CSMD2: variants seen among roughly 807,000 people sequenced by gnomAD.
CSMD2 encodes CUB and Sushi multiple domains 2, also known as CUB and sushi domain-containing protein 2.
CSMD2 carries 130 observed loss-of-function variants against 398.5 expected under a neutral mutation model. The observed-to-expected ratio is 0.33, with a 90% CI of 0.28 to 0.38. The LOEUF is 0.38. Ranked by LOEUF, CSMD2 falls within the 10% of genes least tolerant of loss-of-function variation. CSMD2 has a pLI of 1.00. For synonymous variants in CSMD2, 1,828 were observed against 1,908.5 expected, an observed-to-expected ratio of 0.96 and a Z score of 1.10; for missense variants, 3,829 against 4,764.9, an observed-to-expected ratio of 0.80 and a Z score of 5.78.
chr1:33,668,894 T>C (rs1644399835), intron 25 of CSMD2, among the ~76,000 whole-genome samples: 1 of 152,140 alleles, frequency 6.6e-6, no homozygotes, highest in Admixed American at 6.5e-5. Flanking sequence ...TGGAGGAAAC[T>C]TACTGAAGGA....
chr1:34,061,979 C>T (rs1357324925), intron 2 of CSMD2, among the ~76,000 whole-genome samples: 1 of 152,168 alleles, frequency 6.6e-6, no homozygotes, highest in Non-Finnish European at 1.5e-5. Context: ...TCAAGCCTCT[C>T]CATATCTGTG....
At chr1:34,119,141 G>C (rs978463952) in intron 1 of CSMD2, among the ~76,000 whole-genome samples, 2 of 152,178 alleles carry the variant, frequency 1.3e-5, no homozygotes, top group African/African-American at 4.8e-5. Flanking sequence ...AATGGTCTTT[G>C]ACAAGGGTGT....
In CSMD2 at chr1:33,514,771, AG is replaced by A; in HGVS notation, c.*1852del. 6.6e-6 allele frequency: 1 copy of A among 152,280 alleles called. No individual in the cohort carries two copies. The highest frequency in any genetic ancestry group is 1.5e-5 in the Non-Finnish European group (1 of 68,104). The allele number at this position is 152,280 out of a possible 1,614,324, so 9.4% of individuals were successfully genotyped here. A position where few individuals can be genotyped will look rare whatever the true frequency, so the allele number is the denominator to read the frequency against. On this transcript the variant is annotated 3_prime_UTR_variant, in exon 71 of 71. Transcript: ENST00000373381. ...GGATTGGCCCTCTCCCTCCAGGCCC[AG>A]GGGGGTGCCGTGTCCCAGAGGTGGT...
chr1:33,734,738 T>C (rs540625254), intron 15 of CSMD2, among the ~76,000 whole-genome samples: 4 of 147,004 alleles, frequency 2.7e-5, no homozygotes, highest in African/African-American at 1.0e-4. Flanking sequence ...TGAGCTGAGA[T>C]CACACCACTG....
Position 33,716,272 on chromosome 1 carries a change from C to G in CSMD2, c.3217+14G>C. 3 of 1,604,824 alleles carry G rather than the reference C, an allele frequency of 1.9e-6. No individual in the cohort carries two copies. The highest frequency in any genetic ancestry group is 1.3e-5 in the African/African-American group (1 of 74,880). ...CCATGGTCTCTTCCCCTCAGGGACCCTCATACTCTTTACCTGAGAAGGTGA... is the reference window on the plus strand; with the variant it reads ...CCATGGTCTCTTCCCCTCAGGGACCGTCATACTCTTTACCTGAGAAGGTGA... On this transcript the variant is annotated intron_variant, in intron 20 of 70. Coordinates refer to ENST00000373381, the MANE Select transcript of CSMD2 (RefSeq NM_001281956.2).
intron 13 of CSMD2, among the ~76,000 whole-genome samples, chr1:33,761,232 AT>A (rs1649777027): frequency 6.6e-6 from 1 of 152,100 alleles, no homozygotes; most frequent in Non-Finnish European, 1.5e-5. Context: ...TGGGGAACAG[AT>A]GGAAGTCCTG....
chr1:34,046,437 C>T (rs1403779974), intron 2 of CSMD2, among the ~76,000 whole-genome samples: 1 of 152,150 alleles, frequency 6.6e-6, no homozygotes, highest in African/African-American at 2.4e-5. Flanking sequence ...TTCTTTTACC[C>T]ATGGAGCACC....
chr1:34,036,686 G>C (rs1268380747), intron 2 of CSMD2, among the ~76,000 whole-genome samples: 1 of 152,180 alleles, frequency 6.6e-6, no homozygotes, highest in Non-Finnish European at 1.5e-5. Context: ...CTGGTTTTGA[G>C]AGTGTGCTAT....
At chr1:33,745,197 C>A (rs1286617945) in intron 13 of CSMD2, among the ~76,000 whole-genome samples, 4 of 152,098 alleles carry the variant, frequency 2.6e-5, no homozygotes, top group African/African-American at 7.2e-5. Context: ...TATATGCATG[C>A]TTTTGATTAT....
chr1:33,593,017 C>T (rs997518682), intron 44 of CSMD2, among the ~76,000 whole-genome samples: 2 of 151,680 alleles, frequency 1.3e-5, no homozygotes, highest in Admixed American at 1.3e-4. Context: ...TTCACAAAAG[C>T]TAAAAGGTAG....
intron 22 of CSMD2, among the ~76,000 whole-genome samples, chr1:33,705,609 G>A (rs968445597): frequency 1.3e-5 from 2 of 151,886 alleles, no homozygotes; most frequent in Non-Finnish European, 2.9e-5. Context: ...GAGAGGATAC[G>A]GGGGAATCAT....
chr1:33,542,270 C>A (rs946051097), intron 58 of CSMD2, among the ~76,000 whole-genome samples: 10 of 152,118 alleles, frequency 6.6e-5, no homozygotes. Flanking sequence ...TGGGTGGGGT[C>A]GGGTACAAGG....
chr1:33,555,115 T>C (rs1026201195), intron 55 of CSMD2, among the ~76,000 whole-genome samples: 3 of 152,182 alleles, frequency 2.0e-5, no homozygotes, highest in Non-Finnish European at 4.4e-5. Context: ...TTGTGATTCA[T>C]GGGAGGAGGT....
intron 25 of CSMD2, among the ~76,000 whole-genome samples, chr1:33,673,636 A>G (rs2149037753): frequency 6.6e-6 from 1 of 152,326 alleles, no homozygotes; most frequent in Middle Eastern, 3.4e-3. Flanking sequence ...CCTCGAGAAG[A>G]GCAACTCCAA....
chr1:34,155,100 T>G (rs1640688424), intron 1 of CSMD2, among the ~76,000 whole-genome samples: 1 of 152,160 alleles, frequency 6.6e-6, no homozygotes. Context: ...ATAGCTTAGC[T>G]TCAGGATTGG....
intron 2 of CSMD2, among the ~76,000 whole-genome samples, chr1:34,054,656 C>T (rs1653613663): frequency 1.3e-5 from 2 of 152,130 alleles, no homozygotes; most frequent in South Asian, 2.1e-4. Context: ...AGGAGAATGG[C>T]GTGAACCCGG....
intron 1 of CSMD2, among the ~76,000 whole-genome samples, chr1:34,113,887 A>T (rs1464624414): frequency 1.3e-5 from 2 of 152,202 alleles, no homozygotes; most frequent in Non-Finnish European, 2.9e-5. Context: ...GAAAAAGTTC[A>T]ACTTGCAGCT....
intron 10 of CSMD2, 115 bp from the exon 11 acceptor site, chr1:33,792,641 C>T: frequency 1.4e-6 from 1 of 710,414 alleles, no homozygotes; most frequent in East Asian, 2.6e-5. Flanking sequence ...TCACTGGTGA[C>T]ACCATCCTAA....
intron 3 of CSMD2, among the ~76,000 whole-genome samples, chr1:33,981,042 G>C (rs548316879): frequency 1.3e-5 from 2 of 152,184 alleles, no homozygotes; most frequent in Admixed American, 1.3e-4. Flanking sequence ...TTGTGGGCCC[G>C]TGAGAGATAC....
Sources: allele counts gnomAD v4.1 joint callset (sites outside exome capture counted in the v4.1 genomes callset), GRCh38; gene constraint gnomAD v4.1.1; transcripts MANE v1.5; gene names NCBI Gene and HGNC (gene_info 2026-07-23, HGNC 2026-07-21).